Variants in MRAP2 observed in about 807,000 individuals in gnomAD.
MRAP2 encodes the protein melanocortin-2 receptor accessory protein 2.
Under a neutral mutation model 17.4 loss-of-function variants are expected in MRAP2, and 20 were observed. The observed-to-expected ratio is 1.15, with a 90% CI of 0.81 to 1.67. MRAP2 has a LOEUF of 1.67. Among genes scored for constraint, MRAP2 ranks in the 40% most tolerant of loss-of-function variants. The pLI is 0.00. For synonymous variants in MRAP2, 96 were observed against 88.4 expected (o/e 1.09, Z -0.48); for missense variants, 238 against 240.0 (o/e 0.99, Z 0.05).
rs76148333 is a variant in MRAP2 at position 84,082,044 on chromosome 6, T to C, written c.228-7047T>C. 6.2e-3 allele frequency among the ~76,000 whole-genome samples: 939 copies of C among 152,314 alleles called. 6 individuals are homozygous for C. The highest frequency in any genetic ancestry group is 0.022 in the African/African-American group (899 of 41,574). On this transcript the variant is annotated intron_variant, in intron 3 of 3. Coordinates refer to ENST00000257776, the MANE Select transcript of MRAP2 (RefSeq NM_138409.4). ...TTATAGCAGTGTGAAAACAGATTAATACAGGTGCTTTGGTGAACTCTCTGT... is the reference window on the plus strand; with the variant it reads ...TTATAGCAGTGTGAAAACAGATTAACACAGGTGCTTTGGTGAACTCTCTGT...
chr6:84,132,033 C>A, the MRAP2 span, among the ~76,000 whole-genome samples: 7 of 152,160 alleles, frequency 4.6e-5, no homozygotes, highest in Admixed American at 1.3e-4. Flanking sequence ...GTAAGGCATG[C>A]CTGGTGGTGA....
upstream of MRAP2, chr6:84,033,702 C>G (rs867222972): frequency 1.9e-5 from 19 of 985,228 alleles, no homozygotes; most frequent in African/African-American, 3.1e-4. Flanking sequence ...CAGCCCTGCT[C>G]CGGCGCCCCG....
chr6:84,072,671 G>A (rs899479453), intron 3 of MRAP2, among the ~76,000 whole-genome samples: 3 of 152,148 alleles, frequency 2.0e-5, no homozygotes, highest in Non-Finnish European at 2.9e-5. Flanking sequence ...TAGCTACCAC[G>A]GTGGATAGGG....
chr6:84,110,504 T>G, the MRAP2 span, among the ~76,000 whole-genome samples: 7,744 of 152,212 alleles, frequency 0.051, 668 homozygotes, highest in African/African-American at 0.18. Flanking sequence ...ATGGATAGAT[T>G]GCAAAGATTT....
the MRAP2 span, among the ~76,000 whole-genome samples, chr6:84,141,244 CA>C: frequency 3.6e-5 from 5 of 137,172 alleles, no homozygotes; most frequent in South Asian, 2.1e-4. Context: ...GTTTTTATAT[CA>C]AAAAATGATT....
At chr6:84,083,046 C>T (rs952842090) in intron 3 of MRAP2, among the ~76,000 whole-genome samples, 7 of 151,990 alleles carry the variant, frequency 4.6e-5, no homozygotes, top group Admixed American at 3.3e-4. Context: ...TTGTGCGACC[C>T]GACCCCGGCC....
intron 3 of MRAP2, among the ~76,000 whole-genome samples, chr6:84,087,331 C>T (rs2099500747): frequency 3.3e-5 from 5 of 152,200 alleles, no homozygotes; most frequent in Admixed American, 2.0e-4. Context: ...TCTGATTGAC[C>T]TCTCCAAAGG....
rs531027201 is a variant in MRAP2 at position 84,039,170 on chromosome 6, C to A, written c.-8+5287C>A. ...AAATACTTGAAAGAAAATATTCCAC[C>A]AAATTACCAAAGTTCTCCATTTACA... On this transcript the variant is annotated intron_variant, in intron 1 of 3. Coordinates refer to ENST00000257776, the MANE Select transcript of MRAP2 (RefSeq NM_138409.4). 1.4e-3 allele frequency among the ~76,000 whole-genome samples: 220 copies of A among 152,248 alleles called. 1 individual carries two copies. The highest frequency in any genetic ancestry group is 4.8e-3 in the African/African-American group (200 of 41,548).
chr6:84,091,160 A>AT (rs11354492), downstream of MRAP2, among the ~76,000 whole-genome samples: 7 of 151,074 alleles, frequency 4.6e-5, no homozygotes, highest in Admixed American at 2.6e-4. Context: ...ACTTTAACAT[A>AT]TTTTTTATAA....
At position 84,089,155 on chromosome 6, in the gene MRAP2, C is replaced by G; in HGVS notation, c.292C>G (p.Leu98Val). The G allele has an allele frequency of 6.2e-7, 1 of 1,614,178 alleles. No individual in the cohort carries two copies. The highest frequency in any genetic ancestry group is 8.5e-7 in the Non-Finnish European group (1 of 1,180,042). The change falls in exon 4 of 4, where the codon CTG (leucine) becomes GTG (valine). Residue 98 changes from leucine to valine, a missense_variant. Transcript: ENST00000257776. ...CTTTGTGTCAGACTTTGGAAGACCT[C>G]TGGAGCCAGATAAAGTATTTTCTCG... The part of the protein sequence containing the change: ...NSFVSDFGRP[L>V]EPDKVFSRQG...
intron 2 of MRAP2, among the ~76,000 whole-genome samples, chr6:84,059,312 G>A (rs1041859726): frequency 3.3e-5 from 5 of 152,208 alleles, no homozygotes; most frequent in Non-Finnish European, 5.9e-5. Flanking sequence ...AGTTTGCAAA[G>A]GCTTGGAGTA....
the MRAP2 span, among the ~76,000 whole-genome samples, chr6:84,141,783 C>T: frequency 6.6e-6 from 1 of 152,198 alleles, no homozygotes; most frequent in African/African-American, 2.4e-5. Context: ...ACTCCACCTA[C>T]TTTCCAGAGC....
At chr6:84,108,082 C>T in the MRAP2 span, among the ~76,000 whole-genome samples, 6 of 152,148 alleles carry the variant, frequency 3.9e-5, no homozygotes, top group Non-Finnish European at 8.8e-5. Flanking sequence ...TGCCCTTTCC[C>T]CACTGTCAGT....
chr6:84,052,690 C>T (rs2129163442), intron 1 of MRAP2: 2 of 297,728 alleles, frequency 6.7e-6, no homozygotes, highest in Non-Finnish European at 9.9e-6. Context: ...ACAAATGCCC[C>T]TCCTTTTGTT....
In MRAP2 at chr6:84,058,298, G is replaced by A. The variant is rs1428234681; in HGVS notation, c.127+2853G>A. Among the ~76,000 whole-genome samples, 5 of 152,206 alleles carry A rather than the reference G, an allele frequency of 3.3e-5. 1 individual carries two copies. In the South Asian group the frequency reaches 8.3e-4, roughly 25 times the overall value. On this transcript the variant is annotated intron_variant, in intron 2 of 3. Transcript: ENST00000257776. ...CCAGGTAGGGAGAGTGAAGTGGTGA[G>A]AAATGCATACATTCTGGATATTTTT...
At chr6:84,135,135 T>C in the MRAP2 span, among the ~76,000 whole-genome samples, 105 of 152,208 alleles carry the variant, frequency 6.9e-4, no homozygotes, top group Non-Finnish European at 1.3e-3. Context: ...GTAGTGGGAT[T>C]ATAGTGATTT....
At chr6:84,042,646 G>A (rs1417172765) in intron 1 of MRAP2, among the ~76,000 whole-genome samples, 2 of 152,144 alleles carry the variant, frequency 1.3e-5, no homozygotes, top group Non-Finnish European at 2.9e-5. Flanking sequence ...TTCTGGCCAG[G>A]CCCCTCCCTG....
At chr6:84,071,893 C>T (rs2099496281) in intron 3 of MRAP2, among the ~76,000 whole-genome samples, 1 of 152,066 alleles carries the variant, frequency 6.6e-6, no homozygotes, top group Non-Finnish European at 1.5e-5. Context: ...GAGCATTTTC[C>T]ATTTCTATAA....
chr6:84,118,938 G>T, the MRAP2 span, among the ~76,000 whole-genome samples: 3 of 152,192 alleles, frequency 2.0e-5, no homozygotes, highest in Non-Finnish European at 4.4e-5. Context: ...TTATTGAAGA[G>T]ATTATTTTTC....
Sources: gnomAD v4.1 joint callset for allele counts (sites outside exome capture counted in the v4.1 genomes callset) on GRCh38, gnomAD v4.1.1 for gene constraint, MANE v1.5 for transcripts, NCBI Gene and HGNC (gene_info 2026-07-23, HGNC 2026-07-21) for gene names.